Variants in VANGL1 observed in about 807,000 individuals in gnomAD.
The protein encoded by VANGL1 is vang-like protein 1.
A neutral mutation model predicts 48.4 loss-of-function variants in VANGL1; 18 were observed. That is an observed-to-expected ratio of 0.37 (90% CI 0.26 to 0.55). VANGL1 has a LOEUF of 0.55. Ranked by LOEUF, VANGL1 falls within the 20% of genes least tolerant of loss-of-function variation. The probability of loss-of-function intolerance (pLI) is 0.81; values close to 1 mark genes in which losing one functional copy is unlikely to be tolerated. For synonymous variants in VANGL1, 257 were observed against 261.8 expected (o/e 0.98, Z 0.18); for missense variants, 667 against 675.8 (o/e 0.99, Z 0.14).
At chr1:115,668,173 A>G (rs974063071) in intron 4 of VANGL1, among the ~76,000 whole-genome samples, 2 of 152,250 alleles carry the variant, frequency 1.3e-5, no homozygotes, top group African/African-American at 4.8e-5. Flanking sequence ...CTCTGGTTCC[A>G]GAATGATCTT....
intron 4 of VANGL1, among the ~76,000 whole-genome samples, chr1:115,664,486 A>T (rs1369456314): frequency 6.6e-6 from 1 of 152,202 alleles, no homozygotes; most frequent in Non-Finnish European, 1.5e-5. Context: ...GCTCTCACCC[A>T]GGTTGAGATT....
intron 4 of VANGL1, 65 bp from the exon 5 acceptor site, chr1:115,682,299 T>A: frequency 5.0e-6 from 8 of 1,602,048 alleles, no homozygotes; most frequent in Non-Finnish European, 6.8e-6. Context: ...AAAAGAGGAT[T>A]TTTCGTTTAG....
chr1:115,684,034 A>G lies in VANGL1; in HGVS notation c.1037A>G (p.Glu346Gly), dbSNP rs1557775342. The change falls in exon 6 of 8, where the codon GAA becomes GGA. Residue 346 changes from glutamate (E) to glycine (G), a missense_variant. Coordinates refer to ENST00000355485, the MANE Select transcript of VANGL1 (RefSeq NM_138959.3). ...TCAAGCCACAACGAGTTGTATTATG[A>G]AGAGGCCGAACATGAACGGCGAGTA... ...RDSSHNELYY[E>G]EAEHERRVKK... 1 of 1,614,012 alleles carries G rather than the reference A, an allele frequency of 6.2e-7. No homozygotes were observed. The highest frequency in any genetic ancestry group is 8.5e-7 in the Non-Finnish European group (1 of 1,179,992).
intron 4 of VANGL1, among the ~76,000 whole-genome samples, chr1:115,668,882 G>A (rs1042786289): frequency 6.6e-6 from 1 of 152,154 alleles, no homozygotes; most frequent in Non-Finnish European, 1.5e-5. Context: ...GCCTGGAACT[G>A]TCCCAGTAGT....
rs1217682911 is a variant in VANGL1, at chr1:115,697,493, C to G, written c.*6114C>G. The G allele has an allele frequency of 6.6e-6, 1 of 152,102 alleles. No individual in the cohort carries two copies. The highest frequency in any genetic ancestry group is 2.4e-5 in the African/African-American group (1 of 41,410). 9.4% of individuals were successfully genotyped at this position (152,102 alleles called of 1,614,324 possible). A position where few individuals can be genotyped will look rare whatever the true frequency, so the allele number is the denominator to read the frequency against. On this transcript the variant is annotated 3_prime_UTR_variant, in exon 8 of 8. Coordinates refer to ENST00000355485, the MANE Select transcript of VANGL1 (RefSeq NM_138959.3). ...TTTGATTTCCAACAGTCATTTATGG[C>G]CATAACTATTGCATAGAGTGCAGGA...
At chr1:115,654,222 G>T (rs1652258860) in intron 2 of VANGL1, among the ~76,000 whole-genome samples, 1 of 152,080 alleles carries the variant, frequency 6.6e-6, no homozygotes, top group African/African-American at 2.4e-5. Flanking sequence ...ATTTTAGTCA[G>T]AGTCCAACTC....
At chr1:115,665,636 G>A (rs1274623203) in intron 4 of VANGL1, among the ~76,000 whole-genome samples, 11 of 152,182 alleles carry the variant, frequency 7.2e-5, no homozygotes, top group Admixed American at 7.2e-4. Context: ...GTTCAAGGTT[G>A]CTGCCACCCT....
At chr1:115,643,688 A>T (rs1651817051) in intron 1 of VANGL1, among the ~76,000 whole-genome samples, 1 of 152,216 alleles carries the variant, frequency 6.6e-6, no homozygotes, top group Non-Finnish European at 1.5e-5. Flanking sequence ...ACTGCTTGCC[A>T]AGCAGTACAT....
chr1:115,673,594 CTTTT>C (rs960453479), intron 4 of VANGL1, among the ~76,000 whole-genome samples: 7 of 108,582 alleles, frequency 6.4e-5, no homozygotes, highest in South Asian at 2.9e-4. Context: ...TGTATGTCCT[CTTTT>C]TTTTTTTTTT....
At chr1:115,664,306 A>T in intron 4 of VANGL1, 38 bp downstream of exon 4, 1 of 1,606,556 alleles carries the variant, frequency 6.2e-7, no homozygotes, top group Non-Finnish European at 8.5e-7. Context: ...AGGATGGCTG[A>T]TGTCTTGCTG....
chr1:115,690,520 C>T (rs1426432892), intron 7 of VANGL1, among the ~76,000 whole-genome samples: 23 of 152,246 alleles, frequency 1.5e-4, no homozygotes, highest in Admixed American at 1.5e-3. Flanking sequence ...CCATGTCGGG[C>T]ATTGCTGTGA....
At chr1:115,683,418 T>G (rs1365245005) in intron 5 of VANGL1, among the ~76,000 whole-genome samples, 3 of 152,212 alleles carry the variant, frequency 2.0e-5, no homozygotes, top group African/African-American at 7.2e-5. Context: ...CATTGGTATT[T>G]CCTAGAAAAG....
At chr1:115,647,497 A>C (rs76732774) in intron 1 of VANGL1, among the ~76,000 whole-genome samples, 2,674 of 152,338 alleles carry the variant, frequency 0.018, 78 homozygotes, top group African/African-American at 0.061. Flanking sequence ...ACTCTTTTAA[A>C]ATAAGTTCAC....
rs1164020936 is a variant in VANGL1, at chr1:115,696,674, G to C, written c.*5295G>C. The C allele has an allele frequency of 6.6e-6, 1 of 152,158 alleles. No homozygotes were observed. Among genetic ancestry groups the C allele is most frequent in the Non-Finnish European group, 1.5e-5 (1 of 68,034 alleles). The allele number at this position is 152,158 out of a possible 1,614,324, so 9.4% of individuals were successfully genotyped here. ...TTCCCAGGTCCTGTTCCGTTTCTAC[G>C]TAGATAACCCAATTTGTTTTGTCTA... On this transcript the variant is annotated 3_prime_UTR_variant, in exon 8 of 8. Transcript: ENST00000355485.
rs1653824112 is a variant in VANGL1 at position 115,691,302 on chromosome 1, A to G, written c.1498A>G (p.Ile500Val). The G allele has an allele frequency of 1.9e-6, 3 of 1,614,000 alleles. No homozygotes were observed. The highest frequency in any genetic ancestry group is 1.7e-5 in the Admixed American group (1 of 59,994). ...LVVNVKKIPF[I>V]ILSEEFIDPK... ...AGTCAATGTGAAGAAAATTCCATTC[A>G]TCATACTCTCTGAAGAGTTCATAGA... The change falls in exon 8 of 8, where the codon ATC becomes GTC. Residue 500 changes from isoleucine (I) to valine (V), a missense_variant. Coordinates refer to ENST00000355485, the MANE Select transcript of VANGL1 (RefSeq NM_138959.3).
chr1:115,663,687 G>T lies in VANGL1; in HGVS notation c.231G>T (p.Thr77=), dbSNP rs186509771. Residue 77 remains threonine (T), a synonymous_variant, in exon 4 of 8, where the codon ACG becomes ACT. Coordinates refer to ENST00000355485, the MANE Select transcript of VANGL1 (RefSeq NM_138959.3). The stretch of plus-strand genomic sequence containing the variant: ...ATGACAACTGGGGAGAGACCACCAC[G>T]GCCATCACAGGCACCTCGGAGCACA... ...VQDDNWGETT[T]AITGTSEHSI... is the part of the protein sequence containing the mutation. 6.2e-7 allele frequency: 1 copy of T among 1,614,112 alleles called. No homozygotes were observed.
chr1:115,672,871 A>C (rs1653034455), intron 4 of VANGL1, among the ~76,000 whole-genome samples: 1 of 152,206 alleles, frequency 6.6e-6, no homozygotes, highest in African/African-American at 2.4e-5. Flanking sequence ...AAATATTGCC[A>C]CAAATGTACC....
chr1:115,646,550 CT>C (rs10647324), intron 1 of VANGL1, among the ~76,000 whole-genome samples: 4 of 141,372 alleles, frequency 2.8e-5, no homozygotes, highest in Non-Finnish European at 4.6e-5. Flanking sequence ...ATATCTGCAT[CT>C]TTTTTTTTGC....
At chr1:115,679,081 A>G (rs1653277210) in intron 4 of VANGL1, among the ~76,000 whole-genome samples, 1 of 152,194 alleles carries the variant, frequency 6.6e-6, no homozygotes, top group Admixed American at 6.5e-5. Flanking sequence ...TAATACTGCC[A>G]GGTATGCTGG....
Sources: gnomAD v4.1 joint callset for allele counts (sites outside exome capture counted in the v4.1 genomes callset) on GRCh38, gnomAD v4.1.1 for gene constraint, MANE v1.5 for transcripts, NCBI Gene and HGNC (gene_info 2026-07-23, HGNC 2026-07-21) for gene names.